SUSD6: variants seen among roughly 807,000 people sequenced by gnomAD.
The protein encoded by SUSD6 is sushi domain containing 6, also known as sushi domain-containing protein 6.
A neutral mutation model predicts 28.4 loss-of-function variants in SUSD6; 16 were observed. The observed-to-expected ratio is 0.56, with a 90% CI of 0.38 to 0.86. The LOEUF is 0.86. SUSD6 is among the 40% of genes least tolerant of loss of function. The pLI, the probability that SUSD6 is intolerant of heterozygous loss-of-function variation, is 0.00. For missense variants in SUSD6, 341 were observed against 384.2 expected, an observed-to-expected ratio of 0.89 and a Z score of 0.94; for synonymous variants, 147 against 159.6, an observed-to-expected ratio of 0.92 and a Z score of 0.59.
At chr14:69,694,458 A>G (rs967806579) in intron 2 of SUSD6, among the ~76,000 whole-genome samples, 1 of 152,196 alleles carries the variant, frequency 6.6e-6, no homozygotes, top group Non-Finnish European at 1.5e-5. Flanking sequence ...TCTCAGCCCA[A>G]GCTGGTAAGC....
At chr14:69,676,254 TG>T (rs1885907110) in intron 2 of SUSD6, among the ~76,000 whole-genome samples, 1 of 152,198 alleles carries the variant, frequency 6.6e-6, no homozygotes, top group Non-Finnish European at 1.5e-5. Context: ...GGAGGAGTTT[TG>T]GTTCCTATAT....
Position 69,711,303 on chromosome 14 carries a change from G to A in SUSD6, c.*324G>A. 2.5e-6 allele frequency: 1 copy of A among 398,524 alleles called. No homozygotes were observed. 24.7% of individuals were successfully genotyped at this position (398,524 alleles called of 1,614,324 possible). On this transcript the variant is annotated 3_prime_UTR_variant, in exon 6 of 6. Coordinates refer to ENST00000342745, the MANE Select transcript of SUSD6 (RefSeq NM_014734.4). Reference sequence around the variant, plus strand: ...GTCCCCTCCAGCCAGCTCTTTGGCGGCAGCCCCCACCAGCTCCTGTGGGCC... The same window carrying A: ...GTCCCCTCCAGCCAGCTCTTTGGCGACAGCCCCCACCAGCTCCTGTGGGCC...
intron 2 of SUSD6, among the ~76,000 whole-genome samples, chr14:69,702,236 T>C (rs564966358): frequency 6.6e-6 from 1 of 152,362 alleles, no homozygotes; most frequent in Non-Finnish European, 1.5e-5. Context: ...TGGAAAACTT[T>C]TGGTCTTTAT....
At chr14:69,680,062 A>T (rs1161750220) in intron 2 of SUSD6, among the ~76,000 whole-genome samples, 1 of 152,176 alleles carries the variant, frequency 6.6e-6, no homozygotes, top group Non-Finnish European at 1.5e-5. Flanking sequence ...AGAGCCTCCT[A>T]GCATTTTGCA....
intron 2 of SUSD6, among the ~76,000 whole-genome samples, chr14:69,682,824 G>A (rs1258043884): frequency 3.3e-5 from 5 of 152,046 alleles, no homozygotes; most frequent in Non-Finnish European, 7.4e-5. Flanking sequence ...ATAAGAAGTT[G>A]CCTCCCTTTT....
chr14:69,612,886 C>T (rs1387104445), intron 1 of SUSD6, among the ~76,000 whole-genome samples: 1 of 152,198 alleles, frequency 6.6e-6, no homozygotes, highest in Non-Finnish European at 1.5e-5. Context: ...TCATTTCTTG[C>T]TGTTTTCGTT....
chr14:69,659,584 C>T (rs192847958), intron 2 of SUSD6, among the ~76,000 whole-genome samples: 18 of 152,276 alleles, frequency 1.2e-4, no homozygotes, highest in African/African-American at 3.9e-4. Context: ...GTGGCACGAT[C>T]GTGGCTCACT....
intron 2 of SUSD6, among the ~76,000 whole-genome samples, chr14:69,689,455 T>C (rs1025174159): frequency 1.3e-5 from 2 of 152,146 alleles, no homozygotes; most frequent in Non-Finnish European, 2.9e-5. Context: ...GCAGTAGATA[T>C]TACTATTATT....
At chr14:69,702,046 C>T (rs1886319790) in intron 2 of SUSD6, among the ~76,000 whole-genome samples, 1 of 152,082 alleles carries the variant, frequency 6.6e-6, no homozygotes, top group African/African-American at 2.4e-5. Context: ...TGGTCTGCCC[C>T]TCTCGTGGAT....
intron 2 of SUSD6, among the ~76,000 whole-genome samples, chr14:69,671,397 G>T (rs1885829746): frequency 1.3e-5 from 2 of 152,192 alleles, no homozygotes; most frequent in African/African-American, 4.8e-5. Flanking sequence ...TCTGGTCCGA[G>T]GGAAGAGGTC....
chr14:69,633,547 C>T (rs1801533918), intron 1 of SUSD6, among the ~76,000 whole-genome samples: 1 of 152,182 alleles, frequency 6.6e-6, no homozygotes, highest in Non-Finnish European at 1.5e-5. Context: ...TTTTAAGGCG[C>T]TCTTTGATTA....
At chr14:69,655,867 C>G (rs1183321272) in intron 1 of SUSD6, among the ~76,000 whole-genome samples, 2 of 152,064 alleles carry the variant, frequency 1.3e-5, no homozygotes, top group Non-Finnish European at 2.9e-5. Context: ...ACTGCTCTTC[C>G]CTTGCCTGTC....
chr14:69,644,358 T>C (rs1018604961), intron 1 of SUSD6, among the ~76,000 whole-genome samples: 4 of 152,202 alleles, frequency 2.6e-5, no homozygotes, highest in Admixed American at 1.3e-4. Context: ...CCTGAATTAA[T>C]TAATTAATTA....
chr14:69,682,084 C>T (rs969677354), intron 2 of SUSD6, among the ~76,000 whole-genome samples: 3 of 151,980 alleles, frequency 2.0e-5, no homozygotes, highest in South Asian at 2.1e-4. Context: ...TTAATCCTAG[C>T]GCTTCGGGAG....
chr14:69,691,591 T>C (rs371299423), intron 2 of SUSD6, among the ~76,000 whole-genome samples: 7 of 152,148 alleles, frequency 4.6e-5, no homozygotes, highest in African/African-American at 1.7e-4. Context: ...TGTTTGGGAG[T>C]ATGTGGCAGA....
Position 69,708,897 on chromosome 14 carries a change from G to T in SUSD6, c.679G>T (p.Gly227Cys), listed in dbSNP as rs1886422355. 3 of 1,614,072 alleles carry T rather than the reference G, an allele frequency of 1.9e-6. No homozygotes were observed. The highest frequency in any genetic ancestry group is 1.7e-5 in the Admixed American group (1 of 60,010). Reference protein sequence around the residue: ...LPDQGACSSAGGEDEAPGQSG... With the variant: ...LPDQGACSSACGEDEAPGQSG... ...GGACCAAGGGGCCTGCTCCTCTGCAGGTGGAGAAGATGAGGCCCCAGGCCA... is the reference window on the plus strand; with the variant it reads ...GGACCAAGGGGCCTGCTCCTCTGCATGTGGAGAAGATGAGGCCCCAGGCCA... Residue 227 changes from glycine to cysteine, a missense_variant, in exon 5 of 6, where the codon GGT becomes TGT. Coordinates refer to ENST00000342745, the MANE Select transcript of SUSD6 (RefSeq NM_014734.4).
intron 1 of SUSD6, among the ~76,000 whole-genome samples, chr14:69,615,986 T>G (rs1024812939): frequency 2.0e-5 from 3 of 152,172 alleles, no homozygotes; most frequent in African/African-American, 7.2e-5. Flanking sequence ...TGCCCCTAAA[T>G]GTACTCCCCG....
intron 2 of SUSD6, among the ~76,000 whole-genome samples, chr14:69,692,111 T>TTGCTGTCTG (rs1249560656): frequency 6.6e-6 from 1 of 152,134 alleles, no homozygotes; most frequent in East Asian, 1.9e-4. Flanking sequence ...ACTTGCAACT[T>TTGCTGTCTG]TGCTGTCTGT....
intron 1 of SUSD6, among the ~76,000 whole-genome samples, chr14:69,638,282 G>A (rs1461693359): frequency 1.3e-5 from 2 of 152,118 alleles, no homozygotes; most frequent in Admixed American, 6.6e-5. Context: ...CACTCACTTG[G>A]AAGGACTGTA....
Sources: gnomAD v4.1 joint callset for allele counts (sites outside exome capture counted in the v4.1 genomes callset) on GRCh38, gnomAD v4.1.1 for gene constraint, MANE v1.5 for transcripts, NCBI Gene and HGNC (gene_info 2026-07-23, HGNC 2026-07-21) for gene names.